JAG1: variants seen among roughly 807,000 people sequenced by gnomAD.
The protein encoded by JAG1 is jagged canonical Notch ligand 1.
Under a neutral mutation model 148.7 loss-of-function variants are expected in JAG1, and 23 were observed. The observed-to-expected ratio is 0.15, with a 90% CI of 0.11 to 0.22. JAG1 has a LOEUF of 0.22. JAG1 is among the 10% of genes least tolerant of loss of function. The pLI is 1.00. For synonymous variants in JAG1, 572 were observed against 598.3 expected (o/e 0.96, Z 0.64); for missense variants, 1,054 against 1,611.2 (o/e 0.65, Z 5.92).
intron 2 of JAG1, among the ~76,000 whole-genome samples, chr20:10,667,853 G>A (rs979642116): frequency 2.6e-5 from 4 of 152,094 alleles, no homozygotes; most frequent in Non-Finnish European, 5.9e-5. Context: ...CAAAAGGGTG[G>A]CGAGGTTAAT....
intron 2 of JAG1, among the ~76,000 whole-genome samples, chr20:10,664,509 C>A (rs1334117192): frequency 6.6e-6 from 1 of 152,060 alleles, no homozygotes; most frequent in Non-Finnish European, 1.5e-5. Flanking sequence ...TCTAGGGAGG[C>A]CCCCTTTTCC....
At chr20:10,672,250 G>T (rs1465959619) in intron 2 of JAG1, among the ~76,000 whole-genome samples, 1 of 152,220 alleles carries the variant, frequency 6.6e-6, no homozygotes, top group Non-Finnish European at 1.5e-5. Flanking sequence ...CGCCCTCCCG[G>T]CCGTTCACGG....
chr20:10,645,061 T>G lies in JAG1; in HGVS notation c.2227+82A>C, dbSNP rs1816440966. 2 of 1,512,540 alleles carry G rather than the reference T, an allele frequency of 1.3e-6. No homozygotes were observed. Among genetic ancestry groups the G allele is most frequent in the East Asian group, 2.3e-5 (1 of 44,376 alleles). 93.7% of individuals were successfully genotyped at this position (1,512,540 alleles called of 1,614,324 possible). A position where few individuals can be genotyped will look rare whatever the true frequency, so the allele number is the denominator to read the frequency against. On this transcript the variant is annotated intron_variant, in intron 17 of 25. Coordinates refer to ENST00000254958, the MANE Select transcript of JAG1 (RefSeq NM_000214.3). This position sits in a 1 kb window ranked among gnomAD's most constrained non-coding sequence, Gnocchi z 6.1. Reference sequence around the variant, plus strand: ...GGGGCAAGAACCAGGCCCAGAGAAATATCATAAGCTCCAGGGGCCAACCAG... The same window carrying G: ...GGGGCAAGAACCAGGCCCAGAGAAAGATCATAAGCTCCAGGGGCCAACCAG...
In JAG1 at chr20:10,639,886, T is replaced by C; in HGVS notation, c.3269A>G (p.Tyr1090Cys). Residue 1090 changes from tyrosine (Y) to cysteine (C), a missense_variant, in exon 26 of 26, where the codon TAC (tyrosine) becomes TGC (cysteine). By Grantham distance (194) the Tyr-to-Cys change is radical. Coordinates refer to ENST00000254958, the MANE Select transcript of JAG1 (RefSeq NM_000214.3). The stretch of plus-strand genomic sequence containing the variant: ...CTTCCGCCGCTTCCGCAGGCACCAG[T>C]AGAAGGCCGTCACCAAGCAACAGAT... ...AWICCLVTAF[Y>C]WCLRKRRKPG... 1 of 1,614,186 alleles carries C rather than the reference T, an allele frequency of 6.2e-7. No homozygotes were observed. Among genetic ancestry groups the C allele is most frequent in the South Asian group, 1.1e-5 (1 of 91,084 alleles).
At position 10,659,559 on chromosome 20, in the gene JAG1, C is replaced by CTTTTTTTTTTTTTTTTTTTTTT. The variant is rs35826283; in HGVS notation, c.440-859_440-838dup. Among the ~76,000 whole-genome samples the CTTTTTTTTTTTTTTTTTTTTTT allele has an allele frequency of 3.8e-5, 4 of 105,154 alleles. 2 individuals are homozygous for CTTTTTTTTTTTTTTTTTTTTTT. The highest frequency in any genetic ancestry group is 3.7e-5 in the Non-Finnish European group (2 of 53,472). The allele number at this position is 105,154 out of a possible 152,430, so 69.0% of individuals were successfully genotyped here. On this transcript the variant is annotated intron_variant, in intron 3 of 25. Coordinates refer to ENST00000254958, the MANE Select transcript of JAG1 (RefSeq NM_000214.3). ...GGAAGCCAAGGAGACGATTAAGTTA[C>CTTTTTTTTTTTTTTTTTTTTTT]TTTTTTTTTTTTTTTTTTTTTTTTT...
chr20:10,659,003 T>C (rs1393281887), intron 3 of JAG1, among the ~76,000 whole-genome samples: 1 of 152,178 alleles, frequency 6.6e-6, no homozygotes, highest in Non-Finnish European at 1.5e-5. Context: ...CTTCTTACTA[T>C]TAAACAAAGC....
At chr20:10,660,340 G>A (rs181763542) in intron 3 of JAG1, among the ~76,000 whole-genome samples, 34 of 152,228 alleles carry the variant, frequency 2.2e-4, no homozygotes, top group South Asian at 6.2e-4. Flanking sequence ...CACTTTACTC[G>A]TTTTTGCAAA....
chr20:10,668,167 G>T (rs1465084513), intron 2 of JAG1, among the ~76,000 whole-genome samples: 1 of 148,562 alleles, frequency 6.7e-6, no homozygotes, highest in Non-Finnish European at 1.5e-5. Flanking sequence ...AATCAGCAAA[G>T]AAGTCACAAC....
At position 10,673,200 on chromosome 20, in the gene JAG1, A is replaced by G. The variant is rs533535119; in HGVS notation, c.82-194T>C. 6.7e-6 allele frequency among the ~76,000 whole-genome samples: 1 copy of G among 150,340 alleles called. No individual in the cohort carries two copies. The highest frequency in any genetic ancestry group is 2.4e-5 in the African/African-American group (1 of 40,996). ...AAAAAAATGCACGAGTGCGGAAGAA[A>G]TCCGACGACTTCCCGGGGGGCAACA... On this transcript the variant is annotated intron_variant, in intron 1 of 25. Transcript: ENST00000254958. This position sits in a 1 kb window ranked among gnomAD's most constrained non-coding sequence, Gnocchi z 4.7.
At chr20:10,649,227 G>T in intron 10 of JAG1, 120 bp from the exon 11 acceptor site, 1 of 747,566 alleles carries the variant, frequency 1.3e-6, no homozygotes, top group Non-Finnish European at 2.3e-6. Context: ...TGTGCTTTCC[G>T]TGAGATAAGG....
At position 10,672,845 on chromosome 20, in the gene JAG1, C is replaced by T; in HGVS notation, c.243G>A (p.Glu81=). ...CDTYFKVCLK[E]YQSRVTAGGP... is the part of the protein sequence containing the mutation. ...CCCCGGCCGTGACGCGGGACTGATA[C>T]TCCTTGAGGCACACTTTGAAGTATG... is the stretch of plus-strand genomic sequence containing the variant. Residue 81 remains glutamate, a synonymous_variant, in exon 2 of 26, where the codon GAG becomes GAA. Transcript: ENST00000254958. The T allele has an allele frequency of 1.2e-6, 2 of 1,613,316 alleles. No individual in the cohort carries two copies. Among genetic ancestry groups the T allele is most frequent in the Non-Finnish European group, 1.7e-6 (2 of 1,180,030 alleles).
intron 2 of JAG1, among the ~76,000 whole-genome samples, chr20:10,664,688 A>T (rs2067441505): frequency 6.6e-6 from 1 of 152,180 alleles, no homozygotes; most frequent in South Asian, 2.1e-4. Flanking sequence ...GGAAGAAAGT[A>T]CAAAGGGAGA....
chr20:10,668,267 C>T (rs555324387), intron 2 of JAG1, among the ~76,000 whole-genome samples: 1 of 152,148 alleles, frequency 6.6e-6, no homozygotes, highest in East Asian at 1.9e-4. Context: ...TTAGAATCAC[C>T]ACTTTCCATT....
Position 10,656,407 on chromosome 20 carries a change from C to T in JAG1, c.746G>A (p.Gly249Asp). 1 of 1,613,534 alleles carries T rather than the reference C, an allele frequency of 6.2e-7. No individual in the cohort carries two copies. Among genetic ancestry groups the T allele is most frequent in the African/African-American group, 1.3e-5 (1 of 75,034 alleles). ...AGACCAGTTGATTTACCTGCAGTCA[C>T]CTGGGAGTTTGCAAGACCCATGCTT... Reference protein sequence around the residue: ...SPKHGSCKLPGDCRCQYGWQG... With the variant: ...SPKHGSCKLPDDCRCQYGWQG... The change falls in exon 5 of 26, where the codon GGT (glycine) becomes GAT (aspartate). Residue 249 changes from glycine to aspartate, a missense_variant. Physicochemically the swap from Gly to Asp is moderately conservative, Grantham distance 94 (BLOSUM62 -1). Transcript: ENST00000254958.
chr20:10,649,485 G>T, intron 10 of JAG1, 37 bp downstream of exon 10: 1 of 1,386,912 alleles, frequency 7.2e-7, no homozygotes, highest in African/African-American at 1.4e-5. Flanking sequence ...GGCTACCCAA[G>T]TTTCATGAAA....
In JAG1 at chr20:10,645,439, T is replaced by C; in HGVS notation, c.2030A>G (p.His677Arg). ...NINDCSQNPC[H>R]NGGTCRDLVN... ...CAGGTCGCGACACGTGCCCCCATTGTGGCAGGGGTTCTGGCTGCAGTCATT... is the reference window on the plus strand; with the variant it reads ...CAGGTCGCGACACGTGCCCCCATTGCGGCAGGGGTTCTGGCTGCAGTCATT... The change falls in exon 16 of 26, where the codon CAC becomes CGC. Residue 677 changes from histidine (H) to arginine (R), a missense_variant. His to Arg is a conservative substitution (Grantham distance 29, BLOSUM62 0). This residue lies in a region of JAG1 where 35 missense variants were observed against 99.7 expected (regional missense o/e 0.35). Coordinates refer to ENST00000254958, the MANE Select transcript of JAG1 (RefSeq NM_000214.3). The surrounding 1 kb of genome is among the most constrained non-coding windows in gnomAD (Gnocchi z 6.1). 3.1e-6 allele frequency: 5 copies of C among 1,614,100 alleles called. No homozygotes were observed. The highest frequency in any genetic ancestry group is 4.2e-6 in the Non-Finnish European group (5 of 1,179,972).
intron 2 of JAG1, among the ~76,000 whole-genome samples, chr20:10,665,880 A>C (rs1192287655): frequency 6.6e-6 from 1 of 152,200 alleles, no homozygotes; most frequent in East Asian, 1.9e-4. Flanking sequence ...TAGGTCTTGC[A>C]CAAGAACTTG....
intron 3 of JAG1, among the ~76,000 whole-genome samples, chr20:10,661,819 G>T (rs2067419302): frequency 6.6e-6 from 1 of 152,200 alleles, no homozygotes; most frequent in Non-Finnish European, 1.5e-5. Context: ...CTTGGACCAG[G>T]GCAGTGGCAG....
intron 2 of JAG1, among the ~76,000 whole-genome samples, chr20:10,666,307 C>T (rs1963737341): frequency 6.6e-6 from 1 of 152,104 alleles, no homozygotes; most frequent in African/African-American, 2.4e-5. Context: ...TTCCCAGGCC[C>T]ACACTTGACC....
Sources: allele counts gnomAD v4.1 joint callset (sites outside exome capture counted in the v4.1 genomes callset), GRCh38; gene constraint gnomAD v4.1.1; regional missense constraint gnomAD v4.1.1; non-coding constraint Gnocchi (gnomAD v3.1); transcripts MANE v1.5; gene names NCBI Gene and HGNC (gene_info 2026-07-23, HGNC 2026-07-21).